Variants in ANO3 observed in about 807,000 individuals in gnomAD.
The protein encoded by ANO3 is anoctamin 3, also known as anoctamin-3.
In ANO3, 99 loss-of-function variants were observed where a neutral mutation model predicts 144.8. The ratio of observed to expected loss-of-function variants is 0.68; its 90% CI spans 0.58 to 0.81. The LOEUF is 0.81. Ranked by LOEUF, ANO3 falls within the 30% of genes least tolerant of loss-of-function variation. The pLI, the probability that ANO3 is intolerant of heterozygous loss-of-function variation, is 0.00. For synonymous variants in ANO3, 414 were observed against 392.6 expected (o/e 1.05, Z -0.64); for missense variants, 905 against 1,202.2 (o/e 0.75, Z 3.66).
chr11:26,627,117 A>ATTTATATATACATATATATATATG (rs779071489), intron 18 of ANO3, among the ~76,000 whole-genome samples: 1 of 150,780 alleles, frequency 6.6e-6, no homozygotes, highest in East Asian at 1.9e-4. Context: ...AAATTCTTTT[A>ATTTATATATACATATATATATATG]TATATATATA....
At chr11:26,503,479 CACT>C (rs1861282394) in intron 4 of ANO3, among the ~76,000 whole-genome samples, 1 of 151,896 alleles carries the variant, frequency 6.6e-6, no homozygotes, top group Non-Finnish European at 1.5e-5. Context: ...TAAAGTATAC[CACT>C]ATTAACCTTA....
chr11:26,236,303 T>C (rs1270738693), intron 1 of ANO3, among the ~76,000 whole-genome samples: 1 of 152,182 alleles, frequency 6.6e-6, no homozygotes, highest in Non-Finnish European at 1.5e-5. Flanking sequence ...AATACATAGA[T>C]AGTTTTGCTG....
intron 12 of ANO3, among the ~76,000 whole-genome samples, chr11:26,550,912 C>T (rs1223344825): frequency 1.3e-5 from 2 of 151,904 alleles, no homozygotes; most frequent in South Asian, 2.1e-4. Flanking sequence ...ACAATTTCCC[C>T]GCATTCTCAC....
intron 1 of ANO3, among the ~76,000 whole-genome samples, chr11:26,189,608 A>T (rs1420122962): frequency 6.6e-6 from 1 of 152,200 alleles, no homozygotes; most frequent in African/African-American, 2.4e-5. Flanking sequence ...GTTCCTCTGA[A>T]TGCTCAGGCC....
chr11:26,502,824 A>C (rs1028420702), intron 4 of ANO3, among the ~76,000 whole-genome samples: 1 of 145,534 alleles, frequency 6.9e-6, no homozygotes, highest in Non-Finnish European at 1.5e-5. Context: ...GATGCTTGTT[A>C]GATTGAGAAG....
chr11:26,218,485 T>C (rs970937126), intron 1 of ANO3, among the ~76,000 whole-genome samples: 2 of 152,184 alleles, frequency 1.3e-5, no homozygotes, highest in African/African-American at 4.8e-5. Flanking sequence ...TCTTCTCTGC[T>C]TCTTTACTTC....
chr11:26,239,817 A>G (rs1379990909), intron 1 of ANO3, among the ~76,000 whole-genome samples: 1 of 152,190 alleles, frequency 6.6e-6, no homozygotes, highest in Non-Finnish European at 1.5e-5. Flanking sequence ...GACAACTAAA[A>G]TATTGCAGGC....
intron 4 of ANO3, among the ~76,000 whole-genome samples, chr11:26,505,092 T>C (rs973229888): frequency 3.6e-5 from 5 of 139,114 alleles, no homozygotes; most frequent in African/African-American, 1.4e-4. Flanking sequence ...AATAATCCAA[T>C]AGAGATTACT....
At chr11:26,250,059 G>A (rs549151095) in intron 1 of ANO3, among the ~76,000 whole-genome samples, 2 of 152,184 alleles carry the variant, frequency 1.3e-5, no homozygotes, top group Non-Finnish European at 2.9e-5. Flanking sequence ...CCACTGGCTA[G>A]AACTATTCTC....
At chr11:26,384,704 C>T (rs942802387) in intron 1 of ANO3, among the ~76,000 whole-genome samples, 1 of 152,202 alleles carries the variant, frequency 6.6e-6, no homozygotes, top group African/African-American at 2.4e-5. Context: ...CAAGCCACCA[C>T]AATTTTCACC....
intron 1 of ANO3, among the ~76,000 whole-genome samples, chr11:26,193,546 T>C (rs1456769609): frequency 6.6e-6 from 1 of 152,198 alleles, no homozygotes; most frequent in Non-Finnish European, 1.5e-5. Context: ...GCCCTTTACT[T>C]TTTCCTAGTC....
chr11:26,212,623 G>A (rs1264246983), intron 1 of ANO3, among the ~76,000 whole-genome samples: 2 of 151,992 alleles, frequency 1.3e-5, no homozygotes, highest in African/African-American at 2.4e-5. Context: ...AACAAATTCT[G>A]AAATTGAATC....
intron 1 of ANO3, among the ~76,000 whole-genome samples, chr11:26,352,722 C>CACT (rs1173869696): frequency 6.6e-6 from 1 of 152,130 alleles, no homozygotes; most frequent in Non-Finnish European, 1.5e-5. Context: ...TTTGCCCTAT[C>CACT]ACTAGTTTGT....
intron 1 of ANO3, among the ~76,000 whole-genome samples, chr11:26,295,850 T>A (rs1854077966): frequency 6.6e-6 from 1 of 152,188 alleles, no homozygotes. Context: ...TTCCCACCTA[T>A]GTTGTCACCC....
In ANO3 at chr11:26,660,327, T is replaced by C; in HGVS notation, c.2829T>C (p.His943=). 1 of 1,613,678 alleles carries C rather than the reference T, an allele frequency of 6.2e-7. No homozygotes were observed. Among genetic ancestry groups the C allele is most frequent in the Non-Finnish European group, 8.5e-7 (1 of 1,179,730 alleles). The change falls in exon 27 of 27, where the codon CAT becomes CAC. Residue 943 remains histidine, a synonymous_variant. Coordinates refer to ENST00000256737, the MANE Select transcript of ANO3 (RefSeq NM_031418.4). Reference sequence around the variant, plus strand: ...TTCCAGACGTACCAAAGGGTCTACATGACCGAATACGACGAGAGAAGTACT... The same window carrying C: ...TTCCAGACGTACCAAAGGGTCTACACGACCGAATACGACGAGAGAAGTACT... ...YLIPDVPKGL[H]DRIRREKYLV...
intron 14 of ANO3, among the ~76,000 whole-genome samples, chr11:26,587,161 A>G (rs929979004): frequency 2.0e-5 from 3 of 152,086 alleles, no homozygotes; most frequent in African/African-American, 7.2e-5. Flanking sequence ...ATCAGTTGGA[A>G]CCCACTATTT....
chr11:26,361,230 T>C (rs1221051984), intron 1 of ANO3, among the ~76,000 whole-genome samples: 4 of 152,188 alleles, frequency 2.6e-5, no homozygotes, highest in Admixed American at 1.3e-4. Context: ...TGAGGAAAGA[T>C]AGATTTGTGA....
At chr11:26,225,266 T>G (rs889036272) in intron 1 of ANO3, among the ~76,000 whole-genome samples, 1 of 152,126 alleles carries the variant, frequency 6.6e-6, no homozygotes, top group African/African-American at 2.4e-5. Flanking sequence ...GAAGCTCGTA[T>G]GATTTGTGAG....
At chr11:26,457,822 C>G (rs1859226214) in intron 3 of ANO3, among the ~76,000 whole-genome samples, 1 of 151,502 alleles carries the variant, frequency 6.6e-6, no homozygotes, top group South Asian at 2.1e-4. Context: ...TACTAGAGAA[C>G]AGCAAGAGTT....
Sources: gnomAD v4.1 joint callset for allele counts (sites outside exome capture counted in the v4.1 genomes callset) on GRCh38, gnomAD v4.1.1 for gene constraint, MANE v1.5 for transcripts, NCBI Gene and HGNC (gene_info 2026-07-23, HGNC 2026-07-21) for gene names.